Variants in ADAM12 observed in about 807,000 individuals in gnomAD.
The protein encoded by ADAM12 is disintegrin and metalloproteinase domain-containing protein 12.
A neutral mutation model predicts 106.4 loss-of-function variants in ADAM12; 70 were observed. The ratio of observed to expected loss-of-function variants is 0.66; its 90% CI spans 0.54 to 0.80. The LOEUF (loss-of-function observed/expected upper bound fraction) is 0.80, where lower values mean the gene tolerates loss of function less well. Ranked by LOEUF, ADAM12 falls within the 30% of genes least tolerant of loss-of-function variation. The pLI, the probability that ADAM12 is intolerant of heterozygous loss-of-function variation, is 0.00. For synonymous variants in ADAM12, 420 were observed against 433.5 expected (o/e 0.97, Z 0.39); for missense variants, 1,010 against 1,171.9 (o/e 0.86, Z 2.02).
chr10:126,017,465 C>G, intron 22 of ADAM12, 126 bp from the exon 23 acceptor site: 1 of 839,650 alleles, frequency 1.2e-6, no homozygotes, highest in Non-Finnish European at 1.8e-6. Flanking sequence ...ATACCACTGC[C>G]CCTCATAACG....
At chr10:126,289,120 C>T (rs74158224) in intron 2 of ADAM12, among the ~76,000 whole-genome samples, 1,724 of 152,254 alleles carry the variant, frequency 0.011, 46 homozygotes, top group African/African-American at 0.039. Context: ...GGCTTGGGGA[C>T]AGGACCATGT....
intron 1 of ADAM12, among the ~76,000 whole-genome samples, chr10:126,366,535 C>A (rs1236102977): frequency 1.3e-5 from 2 of 151,888 alleles, no homozygotes; most frequent in Non-Finnish European, 2.9e-5. Flanking sequence ...ACATACTGGG[C>A]AAACAGTAAA....
At chr10:126,139,222 CTTT>C (rs1956464677) in intron 4 of ADAM12, among the ~76,000 whole-genome samples, 1 of 152,082 alleles carries the variant, frequency 6.6e-6, no homozygotes, top group South Asian at 2.1e-4. Context: ...CAGGCCTCTT[CTTT>C]TAATACGGTC....
At chr10:126,280,680 C>T (rs1959530922) in intron 2 of ADAM12, among the ~76,000 whole-genome samples, 5 of 152,094 alleles carry the variant, frequency 3.3e-5, no homozygotes, top group African/African-American at 1.2e-4. Context: ...TTATGAGCTT[C>T]AAGGAGGTTC....
chr10:126,338,242 TTACA>T (rs1854780123), intron 1 of ADAM12, among the ~76,000 whole-genome samples: 1 of 141,296 alleles, frequency 7.1e-6, no homozygotes, highest in Non-Finnish European at 1.5e-5. Context: ...CAACAGTAAC[TTACA>T]TTTTTTTTTT....
intron 3 of ADAM12, among the ~76,000 whole-genome samples, chr10:126,211,681 C>G (rs1388828466): frequency 6.6e-6 from 1 of 151,844 alleles, no homozygotes; most frequent in Admixed American, 6.6e-5. Flanking sequence ...ACCATGTGAT[C>G]CTGGACCTGC....
At chr10:126,218,412 C>T (rs965593012) in intron 3 of ADAM12, among the ~76,000 whole-genome samples, 2 of 152,216 alleles carry the variant, frequency 1.3e-5, no homozygotes, top group South Asian at 2.1e-4. Context: ...CAAGGTCACA[C>T]AGCTGGTGAA....
In ADAM12 at chr10:126,114,520, C is replaced by T. The variant is rs1385082079; in HGVS notation, c.603+3518G>A. ...TTTGAGACGAGTTTCACTCTTGTCG[C>T]CCAGGCTAGAGTGCAATGGCATGAT... On this transcript the variant is annotated intron_variant, in intron 6 of 22. Coordinates refer to ENST00000448723, the MANE Select transcript of ADAM12 (RefSeq NM_001288973.2). Among the ~76,000 whole-genome samples, 6 of 152,192 alleles carry T rather than the reference C, an allele frequency of 3.9e-5. 1 individual carries two copies. The highest frequency in any genetic ancestry group is 1.4e-4 in the African/African-American group (6 of 41,452).
At chr10:126,158,562 G>A (rs1443865663) in intron 3 of ADAM12, among the ~76,000 whole-genome samples, 1 of 114,634 alleles carries the variant, frequency 8.7e-6, no homozygotes, top group Admixed American at 9.0e-5. Context: ...AGAGCATGGG[G>A]CAGGGATGCA....
Position 126,016,130 on chromosome 10 carries a change from T to A in ADAM12, c.*1149A>T, listed in dbSNP as rs1350493978. ...AAAAGAGGATGCCCCATAGAGAAGGTTCTTTGTCCAATATCTACGAATAAT... is the reference window on the plus strand; with the variant it reads ...AAAAGAGGATGCCCCATAGAGAAGGATCTTTGTCCAATATCTACGAATAAT... On this transcript the variant is annotated 3_prime_UTR_variant, in exon 23 of 23. Transcript: ENST00000448723. 1 of 152,134 alleles carries A rather than the reference T, an allele frequency of 6.6e-6. No individual in the cohort carries two copies. The highest frequency in any genetic ancestry group is 1.9e-4 in the East Asian group (1 of 5,184). The allele number at this position is 152,134 out of a possible 1,614,324, so 9.4% of individuals were successfully genotyped here. A position where few individuals can be genotyped will look rare whatever the true frequency, so the allele number is the denominator to read the frequency against.
chr10:126,017,048 C>T lies in ADAM12; in HGVS notation c.*231G>A, dbSNP rs1049384224. Reference sequence around the variant, plus strand: ...GTGATGGTAAAAATGCCTACTACAGCGCACTGCACTGTAATCAACATTCTG... The same window carrying T: ...GTGATGGTAAAAATGCCTACTACAGTGCACTGCACTGTAATCAACATTCTG... On this transcript the variant is annotated 3_prime_UTR_variant, in exon 23 of 23. Transcript: ENST00000448723. 4.2e-5 allele frequency: 18 copies of T among 430,848 alleles called. No individual in the cohort carries two copies. Among genetic ancestry groups the T allele is most frequent in the Admixed American group, 1.6e-4 (4 of 25,616 alleles). 26.7% of individuals were successfully genotyped at this position (430,848 alleles called of 1,614,324 possible).
chr10:126,237,445 A>G (rs1370932440), intron 3 of ADAM12, among the ~76,000 whole-genome samples: 1 of 152,204 alleles, frequency 6.6e-6, no homozygotes, highest in African/African-American at 2.4e-5. Context: ...CATCTATGGC[A>G]GCACCCGCTC....
chr10:126,175,266 C>T (rs1156303851), intron 3 of ADAM12, among the ~76,000 whole-genome samples: 4 of 152,176 alleles, frequency 2.6e-5, no homozygotes, highest in South Asian at 2.1e-4. Flanking sequence ...GACCAGTGTG[C>T]GTGGAGGCCA....
At chr10:126,077,778 T>C (rs1330317011) in intron 11 of ADAM12, among the ~76,000 whole-genome samples, 1 of 152,198 alleles carries the variant, frequency 6.6e-6, no homozygotes, top group Non-Finnish European at 1.5e-5. Context: ...AAGGTGTTTT[T>C]CATAAGAACT....
chr10:126,058,309 C>T (rs1204459325), intron 14 of ADAM12, among the ~76,000 whole-genome samples: 1 of 152,260 alleles, frequency 6.6e-6, no homozygotes, highest in African/African-American at 2.4e-5. Flanking sequence ...TTGGGGAAAG[C>T]ACATCATGTC....
chr10:126,030,622 G>A (rs1036530730), intron 21 of ADAM12, among the ~76,000 whole-genome samples: 3 of 152,176 alleles, frequency 2.0e-5, no homozygotes, highest in African/African-American at 4.8e-5. Flanking sequence ...CTGTAATCAC[G>A]TGAACAACTT....
chr10:126,038,952 C>CTTTTTTT (rs34277276), intron 19 of ADAM12, among the ~76,000 whole-genome samples: 917 of 71,568 alleles, frequency 0.013, 16 homozygotes, highest in East Asian at 0.021. Flanking sequence ...GACACCATTT[C>CTTTTTTT]TTTTTTTTTT....
At chr10:126,272,535 A>G (rs1044692676) in intron 3 of ADAM12, among the ~76,000 whole-genome samples, 8 of 152,252 alleles carry the variant, frequency 5.3e-5, no homozygotes, top group Non-Finnish European at 2.9e-5. Context: ...ATTAATAAAG[A>G]TTCTGATAAA....
At chr10:126,333,849 G>A (rs187055774) in intron 1 of ADAM12, among the ~76,000 whole-genome samples, 60 of 152,264 alleles carry the variant, frequency 3.9e-4, no homozygotes, top group Admixed American at 3.3e-3. Flanking sequence ...CCAAATATTC[G>A]AAGGAGAATT....
Sources: allele counts gnomAD v4.1 joint callset (sites outside exome capture counted in the v4.1 genomes callset), GRCh38; gene constraint gnomAD v4.1.1; transcripts MANE v1.5; gene names NCBI Gene and HGNC (gene_info 2026-07-23, HGNC 2026-07-21).